The following STK35 variants were observed in gnomAD, a reference collection of about 807,000 sequenced individuals.
STK35 encodes serine/threonine kinase 35.
In STK35, 17 loss-of-function variants were observed where a neutral mutation model predicts 37.3. The ratio of observed to expected loss-of-function variants is 0.46; its 90% CI spans 0.31 to 0.68. The LOEUF (loss-of-function observed/expected upper bound fraction) is 0.68, where lower values mean the gene tolerates loss of function less well. Ranked by LOEUF, STK35 falls within the 30% of genes least tolerant of loss-of-function variation. The pLI, the probability that STK35 is intolerant of heterozygous loss-of-function variation, is 0.05. For missense variants in STK35, 595 were observed against 746.7 expected, an observed-to-expected ratio of 0.80 and a Z score of 2.37; for synonymous variants, 385 against 319.1, an observed-to-expected ratio of 1.21 and a Z score of -2.20.
chr20:2,110,251 A>G (rs1309136869), intron 2 of STK35, among the ~76,000 whole-genome samples: 1 of 152,240 alleles, frequency 6.6e-6, no homozygotes, highest in Non-Finnish European at 1.5e-5. Flanking sequence ...GTCATAATTT[A>G]TTCAAACTTC....
At chr20:2,104,261 C>T (rs1188155155) in intron 2 of STK35, among the ~76,000 whole-genome samples, 1 of 152,054 alleles carries the variant, frequency 6.6e-6, no homozygotes, top group Non-Finnish European at 1.5e-5. Context: ...AGGAGAGAGG[C>T]GGTAGAAAGT....
chr20:2,112,678 A>T (rs1175723167), intron 2 of STK35, among the ~76,000 whole-genome samples: 1 of 152,142 alleles, frequency 6.6e-6, no homozygotes, highest in Admixed American at 6.5e-5. Flanking sequence ...GTAAGATGAG[A>T]TAGCTCACAT....
At chr20:2,141,151 C>T (rs1057001147) in intron 3 of STK35, among the ~76,000 whole-genome samples, 1 of 152,222 alleles carries the variant, frequency 6.6e-6, no homozygotes, top group Admixed American at 6.5e-5. Flanking sequence ...GGTTGATCTG[C>T]TGTGTCTACG....
rs533189063 is a variant in STK35, at chr20:2,146,635, C to T, written c.*2889C>T. 2.0e-5 allele frequency: 3 copies of T among 152,976 alleles called. No individual in the cohort carries two copies. In the South Asian group the frequency reaches 6.2e-4, roughly 32 times the overall value. 9.5% of individuals were successfully genotyped at this position (152,976 alleles called of 1,614,324 possible). On this transcript the variant is annotated 3_prime_UTR_variant, in exon 4 of 4. Coordinates refer to ENST00000381482, the MANE Select transcript of STK35 (RefSeq NM_080836.4). ...AGCTGGAAGTGCATGGCTTCTTTCTCCCTATCTGTGTCCTCTGTCACTTGC... is the reference window on the plus strand; with the variant it reads ...AGCTGGAAGTGCATGGCTTCTTTCTTCCTATCTGTGTCCTCTGTCACTTGC...
At chr20:2,142,923 A>G (rs1282408778) in intron 3 of STK35, among the ~76,000 whole-genome samples, 2 of 152,234 alleles carry the variant, frequency 1.3e-5, no homozygotes, top group Non-Finnish European at 2.9e-5. Context: ...CCTCCAGTAG[A>G]ATAAGCCACT....
At chr20:2,110,706 G>C (rs1985600410) in intron 2 of STK35, among the ~76,000 whole-genome samples, 1 of 152,176 alleles carries the variant, frequency 6.6e-6, no homozygotes, top group Non-Finnish European at 1.5e-5. Flanking sequence ...GTGTGCGTAA[G>C]TCAAAGTCCT....
intron 2 of STK35, among the ~76,000 whole-genome samples, chr20:2,106,560 A>C (rs1158539018): frequency 6.6e-6 from 1 of 152,266 alleles, no homozygotes; most frequent in East Asian, 1.9e-4. Context: ...ACTCATAAGC[A>C]AGGGCTTTGC....
In STK35 at chr20:2,146,848, C is replaced by G. The variant is rs1487711710; in HGVS notation, c.*3102C>G. The G allele has an allele frequency of 6.6e-6, 1 of 152,390 alleles. No individual in the cohort carries two copies. The highest frequency in any genetic ancestry group is 1.5e-5 in the Non-Finnish European group (1 of 68,120). 9.4% of individuals were successfully genotyped at this position (152,390 alleles called of 1,614,324 possible). On this transcript the variant is annotated 3_prime_UTR_variant, in exon 4 of 4. Transcript: ENST00000381482. ...GGTGCACACTCTCTGCCTCTTACCT[C>G]TAGCCAGGAGGATGCCTCAGTCTGT...
In STK35 at chr20:2,103,357, C is replaced by T; in HGVS notation, c.884C>T (p.Ser295Leu). ...CTTTACCTGCGCCTGGTGGAGACCTCGCTGAAAGGTAGGAGCACCGCGGGC... is the reference window on the plus strand; with the variant it reads ...CTTTACCTGCGCCTGGTGGAGACCTTGCTGAAAGGTAGGAGCACCGCGGGC... ...SQLYLRLVET[S>L]LKGERILGYA... The change falls in exon 2 of 4, where the codon TCG becomes TTG. Residue 295 changes from serine to leucine, a missense_variant. Ser to Leu is a moderately radical substitution (Grantham distance 145). Transcript: ENST00000381482. 1 of 1,610,526 alleles carries T rather than the reference C, an allele frequency of 6.2e-7. No individual in the cohort carries two copies. The highest frequency in any genetic ancestry group is 8.5e-7 in the Non-Finnish European group (1 of 1,178,136).
chr20:2,105,232 A>G (rs779626771), intron 2 of STK35, among the ~76,000 whole-genome samples: 4 of 151,694 alleles, frequency 2.6e-5, no homozygotes, highest in Non-Finnish European at 5.9e-5. Flanking sequence ...CTTACTTTGA[A>G]GTCTTTCTAT....
At chr20:2,134,954 G>A (rs1444005215) in intron 3 of STK35, among the ~76,000 whole-genome samples, 1 of 152,172 alleles carries the variant, frequency 6.6e-6, no homozygotes, top group African/African-American at 2.4e-5. Flanking sequence ...AAGGGGCTTT[G>A]CAGAACCTGT....
chr20:2,104,043 A>G (rs1399475866), intron 2 of STK35, among the ~76,000 whole-genome samples: 1 of 152,160 alleles, frequency 6.6e-6, no homozygotes, highest in Non-Finnish European at 1.5e-5. Flanking sequence ...TACATTCTTA[A>G]TCTTTTTCTT....
chr20:2,145,169 C>G lies in STK35; in HGVS notation c.*1423C>G, dbSNP rs1266395197. 6.6e-6 allele frequency: 1 copy of G among 152,430 alleles called. No individual in the cohort carries two copies. The highest frequency in any genetic ancestry group is 1.5e-5 in the Non-Finnish European group (1 of 68,178). 9.4% of individuals were successfully genotyped at this position (152,430 alleles called of 1,614,324 possible). On this transcript the variant is annotated 3_prime_UTR_variant, in exon 4 of 4. Coordinates refer to ENST00000381482, the MANE Select transcript of STK35 (RefSeq NM_080836.4). ...CCTCCCTAGGGGAAGCTTCCCTCCC[C>G]CTGGGCTGCTGCTCTGAGCCCATCT...
intron 3 of STK35, among the ~76,000 whole-genome samples, chr20:2,140,296 C>A (rs1201619688): frequency 6.6e-6 from 1 of 152,106 alleles, no homozygotes; most frequent in Non-Finnish European, 1.5e-5. Context: ...GGTAGCCAGG[C>A]AGTCAGGCAC....
chr20:2,129,261 A>T (rs559574244), intron 3 of STK35, among the ~76,000 whole-genome samples: 1 of 152,068 alleles, frequency 6.6e-6, no homozygotes, highest in Admixed American at 6.5e-5. Flanking sequence ...GTCCATGTAA[A>T]CCCTGGGCAT....
At chr20:2,106,636 G>A (rs183981540) in intron 2 of STK35, among the ~76,000 whole-genome samples, 109 of 152,318 alleles carry the variant, frequency 7.2e-4, no homozygotes, top group Non-Finnish European at 1.2e-3. Flanking sequence ...AGGGTGCCTA[G>A]GACTGTGGAT....
intron 3 of STK35, among the ~76,000 whole-genome samples, chr20:2,142,043 C>T (rs1986180251): frequency 6.6e-6 from 1 of 152,214 alleles, no homozygotes; most frequent in South Asian, 2.1e-4. Context: ...GCCAGACTAC[C>T]TTCCAGAAGC....
At position 2,103,184 on chromosome 20, in the gene STK35, C is replaced by T; in HGVS notation, c.711C>T (p.Ala237=). 4 of 1,608,704 alleles carry T rather than the reference C, an allele frequency of 2.5e-6. No homozygotes were observed. Among genetic ancestry groups the T allele is most frequent in the East Asian group, 2.2e-5 (1 of 44,772 alleles). The change falls in exon 2 of 4, where the codon GCC becomes GCT. Residue 237 remains alanine (A), a synonymous_variant. Transcript: ENST00000381482. ...CGGTCAAGAAGATCCGCTGCGACGC[C>T]CCCGAGAACGTGGAGCTGGCGCTGG... ...RVAVKKIRCD[A]PENVELALAE...
At chr20:2,137,783 G>C (rs939423169) in intron 3 of STK35, among the ~76,000 whole-genome samples, 1 of 152,078 alleles carries the variant, frequency 6.6e-6, no homozygotes, top group African/African-American at 2.4e-5. Context: ...GGAGACATTC[G>C]TGCTGGGGCC....
Sources: gnomAD v4.1 joint callset for allele counts (sites outside exome capture counted in the v4.1 genomes callset) on GRCh38, gnomAD v4.1.1 for gene constraint, MANE v1.5 for transcripts, NCBI Gene and HGNC (gene_info 2026-07-23, HGNC 2026-07-21) for gene names.